The following PLEKHA5 variants were observed in gnomAD, a reference collection of about 807,000 sequenced individuals.
The protein encoded by PLEKHA5 is pleckstrin homology domain containing A5.
PLEKHA5 carries 55 observed loss-of-function variants against 181.9 expected under a neutral mutation model. The ratio of observed to expected loss-of-function variants is 0.30; its 90% confidence interval spans 0.24 to 0.38. The LOEUF (loss-of-function observed/expected upper bound fraction) is 0.38. Ranked by LOEUF, PLEKHA5 falls within the 10% of genes least tolerant of loss-of-function variation. The pLI, the probability that PLEKHA5 is intolerant of heterozygous loss-of-function variation, is 1.00. For missense variants in PLEKHA5, 1,432 were observed against 1,549.5 expected (o/e 0.92, Z 1.27); for synonymous variants, 535 against 529.4 (o/e 1.01, Z -0.15).
chr12:19,212,833 TTG>T (rs1450675022), intron 3 of PLEKHA5, among the ~76,000 whole-genome samples: 6 of 57,028 alleles, frequency 1.1e-4, no homozygotes, highest in Admixed American at 3.0e-4. Flanking sequence ...TTTTTTTTTG[TTG>T]TTTTTTTTTT....
rs1327566951 is a variant in PLEKHA5, at chr12:19,274,561, T to A, written c.891T>A (p.Asn297Lys). 1 of 1,611,856 alleles carries A rather than the reference T, an allele frequency of 6.2e-7. No individual in the cohort carries two copies. The highest frequency in any genetic ancestry group is 8.5e-7 in the Non-Finnish European group (1 of 1,179,240). The change falls in exon 11 of 32, where the codon AAT becomes AAA. Residue 297 changes from asparagine to lysine, a missense_variant. Asn to Lys is a moderately conservative substitution (Grantham distance 94, BLOSUM62 0). Around this residue, in one of 2 missense-constraint regions of PLEKHA5, gnomAD observed 289 missense variants for 381.1 expected, o/e 0.76. Transcript: ENST00000429027. ...TSENAPTKET[N>K]NIPNHRVLIK... The stretch of plus-strand genomic sequence containing the variant: ...AAAATGCACCAACTAAAGAAACCAA[T>A]AACATTCCCAACCATAGAGTGCTAA...
intron 15 of PLEKHA5, among the ~76,000 whole-genome samples, chr12:19,298,076 G>A (rs189759039): frequency 2.6e-5 from 4 of 152,064 alleles, no homozygotes; most frequent in Admixed American, 6.6e-5. Context: ...ATAGTAGTGC[G>A]TACCACCCGC....
chr12:19,299,567 G>A (rs535659837), intron 15 of PLEKHA5, among the ~76,000 whole-genome samples: 6 of 152,064 alleles, frequency 3.9e-5, no homozygotes, highest in Non-Finnish European at 7.4e-5. Context: ...TAATAGTCTT[G>A]GATATTCCTC....
intron 11 of PLEKHA5, among the ~76,000 whole-genome samples, chr12:19,276,856 ATGT>A (rs2074681899): frequency 6.6e-6 from 1 of 152,208 alleles, no homozygotes; most frequent in African/African-American, 2.4e-5. Flanking sequence ...ATTTCAAAAC[ATGT>A]TGTTCACCAT....
intron 3 of PLEKHA5, among the ~76,000 whole-genome samples, chr12:19,134,182 A>T (rs1253000805): frequency 6.6e-6 from 1 of 151,882 alleles, no homozygotes; most frequent in African/African-American, 2.4e-5. Flanking sequence ...ACATTGAGTG[A>T]GTTTCTTTTG....
intron 16 of PLEKHA5, among the ~76,000 whole-genome samples, chr12:19,318,932 A>G (rs1011998575): frequency 6.6e-6 from 1 of 152,206 alleles, no homozygotes; most frequent in African/African-American, 2.4e-5. Context: ...AAATAAATAA[A>G]TATTAAGCAA....
At chr12:19,268,692 G>A (rs2071419273) in intron 8 of PLEKHA5, among the ~76,000 whole-genome samples, 2 of 152,160 alleles carry the variant, frequency 1.3e-5, no homozygotes, top group Admixed American at 1.3e-4. Context: ...CGAGCATGGT[G>A]GGGATTCTTA....
chr12:19,357,958 C>CA (rs964683572), intron 26 of PLEKHA5, among the ~76,000 whole-genome samples: 1 of 151,146 alleles, frequency 6.6e-6, no homozygotes, highest in Admixed American at 6.6e-5. Context: ...TTTTTTAAGC[C>CA]AAAAAAATAT....
intron 25 of PLEKHA5, among the ~76,000 whole-genome samples, chr12:19,352,857 C>T (rs374568056): frequency 8.6e-5 from 13 of 151,438 alleles, no homozygotes; most frequent in African/African-American, 2.4e-4. Flanking sequence ...TGCAGTGGTG[C>T]GATCTCAACT....
chr12:19,236,144 T>C (rs551094127), intron 3 of PLEKHA5, among the ~76,000 whole-genome samples: 1 of 152,328 alleles, frequency 6.6e-6, no homozygotes, highest in African/African-American at 2.4e-5. Context: ...TTTTATTTCC[T>C]TCTGTTGAAT....
chr12:19,197,926 C>T (rs1592030168), intron 3 of PLEKHA5, among the ~76,000 whole-genome samples: 3 of 152,240 alleles, frequency 2.0e-5, no homozygotes, highest in South Asian at 4.1e-4. Flanking sequence ...GTTAACATCA[C>T]CCCACCTCCC....
chr12:19,220,732 A>C (rs1565482504), intron 3 of PLEKHA5, among the ~76,000 whole-genome samples: 1 of 152,202 alleles, frequency 6.6e-6, no homozygotes, highest in African/African-American at 2.4e-5. Flanking sequence ...GTTGAAATTT[A>C]TTTGTAATCT....
intron 3 of PLEKHA5, among the ~76,000 whole-genome samples, chr12:19,148,036 C>T (rs1591810818): frequency 6.6e-6 from 1 of 150,470 alleles, no homozygotes; most frequent in Non-Finnish European, 1.5e-5. Flanking sequence ...CTGCACCTAG[C>T]TTTTGAAGTA....
intron 3 of PLEKHA5, among the ~76,000 whole-genome samples, chr12:19,141,965 A>G (rs993023277): frequency 1.3e-5 from 2 of 152,192 alleles, no homozygotes; most frequent in African/African-American, 4.8e-5. Context: ...AATAACTTGG[A>G]TTATTTACAT....
rs767363911 is a variant in PLEKHA5, at chr12:19,283,437, G to A, written c.1471G>A (p.Gly491Arg). The change falls in exon 12 of 32, where the codon GGA becomes AGA. Residue 491 changes from glycine to arginine, a missense_variant. Gly to Arg is a moderately radical substitution (Grantham distance 125). Around this residue, in one of 2 missense-constraint regions of PLEKHA5, gnomAD observed 1,143 missense variants for 1,168.4 expected, o/e 0.98. Coordinates refer to ENST00000429027, the MANE Select transcript of PLEKHA5 (RefSeq NM_001256470.2). ...VTPSTHDKTLGPGAEEKRRSM... is the reference protein window; with the variant it reads ...VTPSTHDKTLRPGAEEKRRSM... Reference sequence around the variant, plus strand: ...CCCTTCCACTCATGACAAGACATTAGGACCCGGAGCGGAGGAGAAACGGAG... The same window carrying A: ...CCCTTCCACTCATGACAAGACATTAAGACCCGGAGCGGAGGAGAAACGGAG... The A allele has an allele frequency of 2.5e-6, 4 of 1,613,944 alleles. No individual in the cohort carries two copies. The African/African-American group carries it at 4.0e-5, about 16-fold the overall frequency.
chr12:19,188,384 C>G (rs995830030), intron 3 of PLEKHA5, among the ~76,000 whole-genome samples: 10 of 152,072 alleles, frequency 6.6e-5, no homozygotes, highest in African/African-American at 2.4e-4. Flanking sequence ...AATCTGTTTT[C>G]AGATCAGCAT....
chr12:19,203,168 A>G (rs1181174185), intron 3 of PLEKHA5, among the ~76,000 whole-genome samples: 1 of 152,132 alleles, frequency 6.6e-6, no homozygotes, highest in Non-Finnish European at 1.5e-5. Flanking sequence ...TGCATGTTAG[A>G]GAGCAATTTA....
chr12:19,353,650 G>C (rs758717934), intron 25 of PLEKHA5, among the ~76,000 whole-genome samples: 2 of 151,770 alleles, frequency 1.3e-5, no homozygotes, highest in African/African-American at 4.8e-5. Flanking sequence ...GTGGAGACGG[G>C]GTTTCTCCAT....
chr12:19,133,240 C>T lies in PLEKHA5; in HGVS notation c.227+790C>T, dbSNP rs545881764. ...AAAACCAGTTCTTTAGAATATTAAA[C>T]TAATTTATGTTCAAACTTAATAACT... On this transcript the variant is annotated intron_variant, in intron 3 of 31. Transcript: ENST00000429027. 1.4e-4 allele frequency among the ~76,000 whole-genome samples: 21 copies of T among 152,022 alleles called. No homozygotes were observed. In the South Asian group the frequency reaches 4.3e-3, roughly 31 times the overall value.
Sources: gnomAD v4.1 joint callset for allele counts (sites outside exome capture counted in the v4.1 genomes callset) on GRCh38, gnomAD v4.1.1 for gene constraint, gnomAD v4.1.1 regional missense constraint, MANE v1.5 for transcripts, NCBI Gene and HGNC (gene_info 2026-07-23, HGNC 2026-07-21) for gene names.